STAT1: variants seen among roughly 807,000 people sequenced by gnomAD.
STAT1 encodes the protein signal transducer and activator of transcription 1.
STAT1 carries 24 observed loss-of-function variants against 111.7 expected under a neutral mutation model. The ratio of observed to expected loss-of-function variants is 0.21; its 90% CI spans 0.16 to 0.30. STAT1 has a LOEUF of 0.30. Ranked by LOEUF, STAT1 falls within the 10% of genes least tolerant of loss-of-function variation. The pLI, the probability that STAT1 is intolerant of heterozygous loss-of-function variation, is 1.00. For synonymous variants in STAT1, 332 were observed against 326.5 expected (o/e 1.02, Z -0.18); for missense variants, 351 against 911.9 (o/e 0.38, Z 7.92).
rs1242127642 is a variant in STAT1 at position 191,004,789 on chromosome 2, C to A, written c.372+2774G>T. 6.6e-6 allele frequency among the ~76,000 whole-genome samples: 1 copy of A among 152,090 alleles called. No individual in the cohort carries two copies. Among genetic ancestry groups the A allele is most frequent in the East Asian group, 1.9e-4 (1 of 5,182 alleles). On this transcript the variant is annotated intron_variant, in intron 5 of 24. Transcript: ENST00000361099. The surrounding 1 kb of genome is among the most constrained non-coding windows in gnomAD (Gnocchi z 5.0). ...TGATAAGCACTCAGCATATGGTAAC[C>A]ATTAGTCCTTAAGAACACAAAGATG...
chr2:190,998,465 T>A lies in STAT1; in HGVS notation c.542-157A>T, dbSNP rs145666857. 6.6e-6 allele frequency among the ~76,000 whole-genome samples: 1 copy of A among 152,260 alleles called. No individual in the cohort carries two copies. The highest frequency in any genetic ancestry group is 1.9e-4 in the East Asian group (1 of 5,182). ...CTTTAATGAACATGAAAAAAAGTCC[T>A]AAGTATAACAACTAGACACACTGAA... is the stretch of plus-strand genomic sequence containing the variant. On this transcript the variant is annotated intron_variant, in intron 7 of 24. Transcript: ENST00000361099. The surrounding 1 kb of genome is among the most constrained non-coding windows in gnomAD (Gnocchi z 4.1).
At position 190,993,604 on chromosome 2, in the gene STAT1, G is replaced by T. The variant is rs1296114016; in HGVS notation, c.944+1457C>A. On this transcript the variant is annotated intron_variant, in intron 10 of 24. Coordinates refer to ENST00000361099, the MANE Select transcript of STAT1 (RefSeq NM_007315.4). The surrounding 1 kb of genome is among the most constrained non-coding windows in gnomAD (Gnocchi z 4.1). ...TGCCACCGCTGCCACGGCCACCCTT[G>T]CTGCTACAGCTGCTGCCCTGACTCT... The T allele has an allele frequency of 5.1e-6, 3 of 582,922 alleles. No homozygotes were observed. Among genetic ancestry groups the T allele is most frequent in the Non-Finnish European group, 1.0e-5 (3 of 298,830 alleles). 36.1% of individuals were successfully genotyped at this position (582,922 alleles called of 1,614,324 possible).
In STAT1 at chr2:190,984,270, A is replaced by C; in HGVS notation, c.1347+40T>G. On this transcript the variant is annotated intron_variant, in intron 16 of 24. Coordinates refer to ENST00000361099, the MANE Select transcript of STAT1 (RefSeq NM_007315.4). The surrounding 1 kb of genome is among the most constrained non-coding windows in gnomAD (Gnocchi z 5.2). ...AATACATGTAACAATTAAAAGTAAA[A>C]ATAATGAAGTTTTCCAACTCGGGAC... is the stretch of plus-strand genomic sequence containing the variant. 6.8e-7 allele frequency: 1 copy of C among 1,474,380 alleles called. No homozygotes were observed. Among genetic ancestry groups the C allele is most frequent in the Non-Finnish European group, 9.5e-7 (1 of 1,053,324 alleles). The allele number at this position is 1,474,380 out of a possible 1,614,324, so 91.3% of individuals were successfully genotyped here.
Position 191,012,593 on chromosome 2 carries a change from G to A in STAT1, c.-2+932C>T, listed in dbSNP as rs1357392986. 1.3e-5 allele frequency among the ~76,000 whole-genome samples: 2 copies of A among 152,010 alleles called. No homozygotes were observed. Among genetic ancestry groups the A allele is most frequent in the South Asian group, 2.1e-4 (1 of 4,822 alleles). ...TCCATCCCAAGACCTGCTCCTTCCT[G>A]TCTCCAACATTCTACCTTCCCAGTC... On this transcript the variant is annotated intron_variant, in intron 2 of 24. Coordinates refer to ENST00000361099, the MANE Select transcript of STAT1 (RefSeq NM_007315.4). This position sits in a 1 kb window ranked among gnomAD's most constrained non-coding sequence, Gnocchi z 4.0.
In STAT1 at chr2:191,007,025, T is replaced by C. The variant is rs1159822654; in HGVS notation, c.372+538A>G. ...TTTCAAGGGGTTCTAGTAGCTGCTG[T>C]AGAGCCATCCTTGACTTTCTGCTCT... On this transcript the variant is annotated intron_variant, in intron 5 of 24. Transcript: ENST00000361099. The surrounding 1 kb of genome is among the most constrained non-coding windows in gnomAD (Gnocchi z 4.2). Among the ~76,000 whole-genome samples the C allele has an allele frequency of 6.6e-6, 1 of 152,208 alleles. No individual in the cohort carries two copies. Among genetic ancestry groups the C allele is most frequent in the Non-Finnish European group, 1.5e-5 (1 of 68,048 alleles).
Position 190,971,761 on chromosome 2 carries a change from G to A in STAT1, c.2239-1044C>T, listed in dbSNP as rs1574633719. Among the ~76,000 whole-genome samples the A allele has an allele frequency of 2.0e-5, 3 of 151,058 alleles. No homozygotes were observed. Among genetic ancestry groups the A allele is most frequent in the Admixed American group, 6.6e-5 (1 of 15,186 alleles). ...GGAGTCTTCCTCTGTTGCCCAGACT[G>A]GAGTGCAGTGGCACCATCTTGGCTC... On this transcript the variant is annotated intron_variant, in intron 24 of 24. Coordinates refer to ENST00000361099, the MANE Select transcript of STAT1 (RefSeq NM_007315.4). This position sits in a 1 kb window ranked among gnomAD's most constrained non-coding sequence, Gnocchi z 4.1.
Position 190,993,632 on chromosome 2 carries a change from G to C in STAT1, c.944+1429C>G. 1 of 564,680 alleles carries C rather than the reference G, an allele frequency of 1.8e-6. No homozygotes were observed. Among genetic ancestry groups the C allele is most frequent in the South Asian group, 1.6e-5 (1 of 63,842 alleles). 35.0% of individuals were successfully genotyped at this position (564,680 alleles called of 1,614,324 possible). A position where few individuals can be genotyped will look rare whatever the true frequency, so the allele number is the denominator to read the frequency against. On this transcript the variant is annotated intron_variant, in intron 10 of 24. Coordinates refer to ENST00000361099, the MANE Select transcript of STAT1 (RefSeq NM_007315.4). The surrounding 1 kb of genome is among the most constrained non-coding windows in gnomAD (Gnocchi z 4.1). ...GCTACAGCTGCTGCCCTGACTCTCT[G>C]CACCACGGGTAACTGAAGGAAAGGA...
chr2:191,007,016 T>C lies in STAT1; in HGVS notation c.372+547A>G, dbSNP rs1378836136. 6.6e-6 allele frequency among the ~76,000 whole-genome samples: 1 copy of C among 152,202 alleles called. No homozygotes were observed. The highest frequency in any genetic ancestry group is 2.4e-5 in the African/African-American group (1 of 41,440). On this transcript the variant is annotated intron_variant, in intron 5 of 24. Coordinates refer to ENST00000361099, the MANE Select transcript of STAT1 (RefSeq NM_007315.4). The surrounding 1 kb of genome is among the most constrained non-coding windows in gnomAD (Gnocchi z 4.2). ...ATTACCATTTTTCAAGGGGTTCTAG[T>C]AGCTGCTGTAGAGCCATCCTTGACT...
Position 190,979,686 on chromosome 2 carries a change from T to C in STAT1, c.1727+86A>G. On this transcript the variant is annotated intron_variant, in intron 20 of 24. Coordinates refer to ENST00000361099, the MANE Select transcript of STAT1 (RefSeq NM_007315.4). This position sits in a 1 kb window ranked among gnomAD's most constrained non-coding sequence, Gnocchi z 5.8. Reference sequence around the variant, plus strand: ...TCCTGTGAGATTCACACACGCCTAGTCAAATACTGAAGCTGGACTCAGGCC... The same window carrying C: ...TCCTGTGAGATTCACACACGCCTAGCCAAATACTGAAGCTGGACTCAGGCC... The C allele has an allele frequency of 9.1e-7, 1 of 1,093,998 alleles. No homozygotes were observed. The highest frequency in any genetic ancestry group is 1.4e-6 in the Non-Finnish European group (1 of 709,522). The allele number at this position is 1,093,998 out of a possible 1,614,324, so 67.8% of individuals were successfully genotyped here.
intron 4 of STAT1, 131 bp downstream of exon 4, chr2:191,008,832 T>C (rs1010911089): frequency 3.2e-6 from 3 of 924,390 alleles, no homozygotes; most frequent in African/African-American, 1.7e-5. Context: ...GTAGAAAACA[T>C]AAATGGAGTT....
At position 190,984,360 on chromosome 2, in the gene STAT1, G is replaced by T. The variant is rs1181214715; in HGVS notation, c.1297C>A (p.Leu433Ile). Residue 433 changes from leucine (L) to isoleucine (I), a missense_variant, in exon 16 of 25, where the codon CTT (leucine) becomes ATT (isoleucine). Transcript: ENST00000361099. This position sits in a 1 kb window ranked among gnomAD's most constrained non-coding sequence, Gnocchi z 5.2. ...TGGCACAATTGGGTTTCAAAACTAA[G>T]GGAGTGAAGCTCTTCAGTAACGATG... is the stretch of plus-strand genomic sequence containing the variant. ...PLIVTEELHSLSFETQLCQPG... is the reference protein window; with the variant it reads ...PLIVTEELHSISFETQLCQPG... 6.2e-7 allele frequency: 1 copy of T among 1,614,076 alleles called. No homozygotes were observed. The highest frequency in any genetic ancestry group is 1.1e-5 in the South Asian group (1 of 91,082).
Position 191,000,606 on chromosome 2 carries a change from AT to A in STAT1, c.462+467del, listed in dbSNP as rs1694198743. On this transcript the variant is annotated intron_variant, in intron 6 of 24. Transcript: ENST00000361099. The surrounding 1 kb of genome is among the most constrained non-coding windows in gnomAD (Gnocchi z 4.8). ...TTCCATAAATTGACTTGGAAGTTGT[AT>A]CCTAAAATTGCTGTGGATGTCTTAA... 1.3e-5 allele frequency among the ~76,000 whole-genome samples: 2 copies of A among 152,336 alleles called. No individual in the cohort carries two copies. Among genetic ancestry groups the A allele is most frequent in the South Asian group, 4.2e-4 (2 of 4,818 alleles).
Position 190,978,778 on chromosome 2 carries a change from T to C in STAT1, c.1873+78A>G. ...TTTCATGTCCCAAACGCACTATCTGTATGAGCTGACTGGCGGCGATGAAGA... is the reference window on the plus strand; with the variant it reads ...TTTCATGTCCCAAACGCACTATCTGCATGAGCTGACTGGCGGCGATGAAGA... On this transcript the variant is annotated intron_variant, in intron 21 of 24. Coordinates refer to ENST00000361099, the MANE Select transcript of STAT1 (RefSeq NM_007315.4). The surrounding 1 kb of genome is among the most constrained non-coding windows in gnomAD (Gnocchi z 6.1). 1.3e-6 allele frequency: 2 copies of C among 1,571,212 alleles called. No individual in the cohort carries two copies. The highest frequency in any genetic ancestry group is 1.7e-6 in the Non-Finnish European group (2 of 1,154,968).
chr2:190,983,596 G>A lies in STAT1; in HGVS notation c.1446+46C>T. ...TCAGAGATGCAGCAGTGAGAGCGTG[G>A]GGTCTCTGCTTAACCCTGGGACCAA... On this transcript the variant is annotated intron_variant, in intron 17 of 24. Transcript: ENST00000361099. The surrounding 1 kb of genome is among the most constrained non-coding windows in gnomAD (Gnocchi z 5.7). 1 of 1,533,522 alleles carries A rather than the reference G, an allele frequency of 6.5e-7. No individual in the cohort carries two copies. The highest frequency in any genetic ancestry group is 9.0e-7 in the Non-Finnish European group (1 of 1,106,688). The allele number at this position is 1,533,522 out of a possible 1,614,324, so 95.0% of individuals were successfully genotyped here.
In STAT1 at chr2:191,009,757, A is replaced by G. The variant is rs184466291; in HGVS notation, c.128+119T>C. 1.9e-5 allele frequency: 27 copies of G among 1,398,168 alleles called. No individual in the cohort carries two copies. In the African/African-American group the frequency reaches 3.5e-4, roughly 18 times the overall value. The allele number at this position is 1,398,168 out of a possible 1,614,324, so 86.6% of individuals were successfully genotyped here. A position where few individuals can be genotyped will look rare whatever the true frequency, so the allele number is the denominator to read the frequency against. On this transcript the variant is annotated intron_variant, in intron 3 of 24. Coordinates refer to ENST00000361099, the MANE Select transcript of STAT1 (RefSeq NM_007315.4). Reference sequence around the variant, plus strand: ...TTAAATCAACAAACTTTTCTACAACAAATAATTCCAGTGGCCATTGATGGA... The same window carrying G: ...TTAAATCAACAAACTTTTCTACAACGAATAATTCCAGTGGCCATTGATGGA...
In STAT1 at chr2:191,006,354, A is replaced by T. The variant is rs371292013; in HGVS notation, c.372+1209T>A. ...CCCTAGGCTGGGTACCAGATGAGCT[A>T]GCCAGCTTGAGTTTAGAATAAGCAA... On this transcript the variant is annotated intron_variant, in intron 5 of 24. Coordinates refer to ENST00000361099, the MANE Select transcript of STAT1 (RefSeq NM_007315.4). The surrounding 1 kb of genome is among the most constrained non-coding windows in gnomAD (Gnocchi z 4.6). Among the ~76,000 whole-genome samples, 4 of 152,222 alleles carry T rather than the reference A, an allele frequency of 2.6e-5. No individual in the cohort carries two copies. The East Asian group carries it at 7.7e-4, about 29-fold the overall frequency.
rs551304728 is a variant in STAT1 at position 191,008,954 on chromosome 2, A to T, written c.273+9T>A. The stretch of plus-strand genomic sequence containing the variant: ...ACATTTCAACTAAAATACAAAAACC[A>T]GGTCATACCTGAAGATTACGCTTGC... On this transcript the variant is annotated intron_variant, in intron 4 of 24. Coordinates refer to ENST00000361099, the MANE Select transcript of STAT1 (RefSeq NM_007315.4). 1 of 1,613,122 alleles carries T rather than the reference A, an allele frequency of 6.2e-7. No homozygotes were observed. The highest frequency in any genetic ancestry group is 8.5e-7 in the Non-Finnish European group (1 of 1,179,556).
Position 190,989,673 on chromosome 2 carries a change from G to A in STAT1, c.1039C>T (p.Leu347=). The A allele has an allele frequency of 6.3e-7, 1 of 1,595,396 alleles. No individual in the cohort carries two copies. Among genetic ancestry groups the A allele is most frequent in the Non-Finnish European group, 8.6e-7 (1 of 1,167,692 alleles). ...TGVQFTVKLR[L]LVKLQELNYN... ...TTCAGCTCTTGCAATTTCACCAACA[G>A]TCTGGAAAGAAAAATAAAAGCCATT... is the stretch of plus-strand genomic sequence containing the variant. The change falls in exon 12 of 25, where the codon CTG becomes TTG. Residue 347 remains leucine, a splice_region_variant and synonymous_variant. Transcript: ENST00000361099. The surrounding 1 kb of genome is among the most constrained non-coding windows in gnomAD (Gnocchi z 5.0).
In STAT1 at chr2:190,990,207, G is replaced by A. The variant is rs1388488135; in HGVS notation, c.1038-533C>T. ...TCTGCTCCACTGAGCTGGAGACTTT[G>A]AGAAGGAGACCCCGGGGCTCTGTCT... is the stretch of plus-strand genomic sequence containing the variant. On this transcript the variant is annotated intron_variant, in intron 11 of 24. Coordinates refer to ENST00000361099, the MANE Select transcript of STAT1 (RefSeq NM_007315.4). This position sits in a 1 kb window ranked among gnomAD's most constrained non-coding sequence, Gnocchi z 5.1. Among the ~76,000 whole-genome samples, 1 of 152,186 alleles carries A rather than the reference G, an allele frequency of 6.6e-6. No homozygotes were observed.
Sources: gnomAD v4.1 joint callset for allele counts (sites outside exome capture counted in the v4.1 genomes callset) on GRCh38, gnomAD v4.1.1 for gene constraint, Gnocchi (gnomAD v3.1) non-coding constraint, MANE v1.5 for transcripts, NCBI Gene and HGNC (gene_info 2026-07-23, HGNC 2026-07-21) for gene names.